The following TNRC18 variants were observed in gnomAD, a reference collection of about 807,000 sequenced individuals.
The protein encoded by TNRC18 is trinucleotide repeat containing 18, also known as trinucleotide repeat-containing gene 18 protein.
TNRC18 carries 69 observed loss-of-function variants against 226.7 expected under a neutral mutation model. That is an observed-to-expected ratio of 0.30 (90% CI 0.25 to 0.37). The LOEUF (loss-of-function observed/expected upper bound fraction) is 0.37, where lower values mean the gene tolerates loss of function less well. TNRC18 is among the 10% of genes least tolerant of loss of function. TNRC18 has a pLI of 1.00. For missense variants in TNRC18, 4,754 were observed against 4,256.6 expected (o/e 1.12, Z -3.25); for synonymous variants, 2,449 against 1,927.6 (o/e 1.27, Z -7.09).
At chr7:5,325,432 T>G in intron 19 of TNRC18, 184 bp from the exon 20 acceptor site, 3 of 635,294 alleles carry the variant, frequency 4.7e-6, no homozygotes, top group Non-Finnish European at 7.7e-6. Flanking sequence ...TTTTTTGTTT[T>G]TTTTTTTTTG....
chr7:5,373,996 G>A, intron 10 of TNRC18, 59 bp downstream of exon 10: 1 of 1,318,036 alleles, frequency 7.6e-7, no homozygotes, highest in South Asian at 1.6e-5. Context: ...AAAGATGGAT[G>A]AGCAGTTTTA....
chr7:5,358,858 T>C (rs1183472471), intron 15 of TNRC18, among the ~76,000 whole-genome samples: 3 of 152,040 alleles, frequency 2.0e-5, no homozygotes, highest in Non-Finnish European at 2.9e-5. Flanking sequence ...CACTGGACTT[T>C]ATGGGGAGGG....
Position 5,356,973 on chromosome 7 carries a change from C to T in TNRC18, c.5137G>A (p.Gly1713Ser). The change falls in exon 16 of 30, where the codon GGC becomes AGC. Residue 1713 changes from glycine (G) to serine (S), a missense_variant. Transcript: ENST00000430969. ...RKMEVGFKAR[G>S]QPKSAHSPFA... ...GGGGAATGGGCCGACTTGGGCTGGC[C>T]TCTGGCCTTGAACCCCACCTCCATC... is the stretch of plus-strand genomic sequence containing the variant. The T allele has an allele frequency of 1.9e-6, 3 of 1,552,120 alleles. No homozygotes were observed. The highest frequency in any genetic ancestry group is 2.6e-6 in the Non-Finnish European group (3 of 1,147,070).
At chr7:5,352,581 A>G (rs73673119) in intron 16 of TNRC18, among the ~76,000 whole-genome samples, 21,827 of 152,314 alleles carry the variant, frequency 0.14, 1,682 homozygotes, top group Admixed American at 0.17. Flanking sequence ...GCAGCACGAA[A>G]CAGGCCACAG....
intron 16 of TNRC18, among the ~76,000 whole-genome samples, chr7:5,356,462 C>A (rs1349903373): frequency 6.6e-6 from 1 of 152,236 alleles, no homozygotes; most frequent in Non-Finnish European, 1.5e-5. Context: ...AAGCCGTGGT[C>A]CGCAACAGAC....
At chr7:5,386,026 C>T (rs1014157692) in intron 5 of TNRC18, among the ~76,000 whole-genome samples, 4 of 146,334 alleles carry the variant, frequency 2.7e-5, no homozygotes, top group African/African-American at 1.0e-4. Flanking sequence ...GTGGCTCATG[C>T]CTGTAATCCC....
intron 2 of TNRC18, chr7:5,420,210 G>A (rs1046686606): frequency 2.3e-5 from 8 of 350,184 alleles, no homozygotes; most frequent in Admixed American, 7.6e-5. Flanking sequence ...TGGGCAGCCC[G>A]TCTCGGGAAA....
intron 16 of TNRC18, among the ~76,000 whole-genome samples, chr7:5,355,888 C>T (rs915589991): frequency 1.3e-5 from 2 of 151,604 alleles, no homozygotes; most frequent in Non-Finnish European, 2.9e-5. Context: ...AAAAAACGCA[C>T]GGCACAGTAG....
chr7:5,308,888 T>C lies in TNRC18; in HGVS notation c.8687A>G (p.Lys2896Arg), dbSNP rs1485906011. 3.0e-6 allele frequency: 4 copies of C among 1,325,510 alleles called. No individual in the cohort carries two copies. In the South Asian group the frequency reaches 4.7e-5, roughly 16 times the overall value. The allele number at this position is 1,325,510 out of a possible 1,614,324, so 82.1% of individuals were successfully genotyped here. Residue 2896 changes from lysine to arginine, a missense_variant, in exon 29 of 30, where the codon AAG becomes AGG. Transcript: ENST00000430969. The part of the protein sequence containing the change: ...PAALRVSSQR[K>R]DFMERALYQS... Reference sequence around the variant, plus strand: ...ACCACCACCTACCTCCATGAAGTCCTTCCTCTGGCTGGAGACCCGCAGGGC... The same window carrying C: ...ACCACCACCTACCTCCATGAAGTCCCTCCTCTGGCTGGAGACCCGCAGGGC...
Position 5,393,782 on chromosome 7 carries a change from G to A in TNRC18, c.343+658C>T, listed in dbSNP as rs374744641. ...AAATCCAGAATCTGCTCACGACCCC[G>A]GGGAAGCCAGGCCTGCAGAGCCCCT... On this transcript the variant is annotated intron_variant, in intron 3 of 29. Transcript: ENST00000430969. 1.1e-3 allele frequency among the ~76,000 whole-genome samples: 167 copies of A among 152,260 alleles called. 1 individual carries two copies. Among genetic ancestry groups the A allele is most frequent in the East Asian group, 9.5e-3 (49 of 5,178 alleles).
At chr7:5,321,243 C>G (rs1788323705) in intron 21 of TNRC18, 53 bp from the exon 22 acceptor site, 2 of 1,296,150 alleles carry the variant, frequency 1.5e-6, no homozygotes, top group Non-Finnish European at 2.1e-6. Context: ...TCTGCGACAC[C>G]TCTCCCTCCT....
Position 5,376,082 on chromosome 7 carries a change from C to T in TNRC18, c.2751G>A (p.Gln917=). ...GTTCCAAGGCCTGGGCCGCCTGCTG[C>T]TGCAGGTACAGGAACTCCTGCTGCC... is the stretch of plus-strand genomic sequence containing the variant. ...FLRQQEFLYL[Q]QQAAQALELQ... The change falls in exon 9 of 30, where the codon CAG becomes CAA. Residue 917 remains glutamine (Q), a synonymous_variant. Coordinates refer to ENST00000430969, the MANE Select transcript of TNRC18 (RefSeq NM_001080495.3). The T allele has an allele frequency of 2.5e-6, 4 of 1,596,328 alleles. No homozygotes were observed. In the South Asian group the frequency reaches 3.4e-5, roughly 14 times the overall value.
rs1794644614 is a variant in TNRC18 at position 5,376,087 on chromosome 7, G to A, written c.2746C>T (p.Leu916=). 5 of 1,595,778 alleles carry A rather than the reference G, an allele frequency of 3.1e-6. No homozygotes were observed. The South Asian group carries it at 3.4e-5, about 11-fold the overall frequency. The change falls in exon 9 of 30, where the codon CTG becomes TTG. Residue 916 remains leucine, a synonymous_variant. Transcript: ENST00000430969. ...HFLRQQEFLY[L]QQQAAQALEL... Reference sequence around the variant, plus strand: ...AAGGCCTGGGCCGCCTGCTGCTGCAGGTACAGGAACTCCTGCTGCCGCAGG... The same window carrying A: ...AAGGCCTGGGCCGCCTGCTGCTGCAAGTACAGGAACTCCTGCTGCCGCAGG...
chr7:5,390,332 C>G (rs1458913549), intron 4 of TNRC18, 153 bp downstream of exon 4: 1 of 841,978 alleles, frequency 1.2e-6, no homozygotes, highest in East Asian at 2.7e-5. Flanking sequence ...GCACTCCAGC[C>G]TGGGCAACAT....
In TNRC18 at chr7:5,389,461, G is replaced by GTTTTGTT. The variant is rs1554297478; in HGVS notation, c.488-126_488-125insAACAAAA. On this transcript the variant is annotated intron_variant, in intron 4 of 29. Coordinates refer to ENST00000430969, the MANE Select transcript of TNRC18 (RefSeq NM_001080495.3). The stretch of plus-strand genomic sequence containing the variant: ...TGCCTCCCCCAGTGTTTTGGTTTTG[G>GTTTTGTT]TTTTTTTTTTCAGAAAGAGTCTCGC... 5 of 565,558 alleles carry GTTTTGTT rather than the reference G, an allele frequency of 8.8e-6. No homozygotes were observed. In the African/African-American group the frequency reaches 1.4e-4, roughly 15 times the overall value. 35.0% of individuals were successfully genotyped at this position (565,558 alleles called of 1,614,324 possible). A position where few individuals can be genotyped will look rare whatever the true frequency, so the allele number is the denominator to read the frequency against.
intron 2 of TNRC18, among the ~76,000 whole-genome samples, chr7:5,412,796 G>A (rs1781929386): frequency 6.6e-6 from 1 of 152,184 alleles, no homozygotes; most frequent in Non-Finnish European, 1.5e-5. Flanking sequence ...ATTACCAGGA[G>A]CTTCCAGGGA....
Position 5,388,799 on chromosome 7 carries a change from G to C in TNRC18, c.1025C>G (p.Pro342Arg), listed in dbSNP as rs901563625. ...CGCGGGGGGTGCAGGAGGCCCCTTG[G>C]GGGGCGCGGGCGGCGGGGGCAGCGG... ...PSPLPPPPAP[P>R]KGPPAPPAAT... The change falls in exon 5 of 30, where the codon CCC becomes CGC. Residue 342 changes from proline to arginine, a missense_variant. Transcript: ENST00000430969. The C allele has an allele frequency of 3.3e-4, 400 of 1,200,228 alleles. No individual in the cohort carries two copies. Among genetic ancestry groups the C allele is most frequent in the Non-Finnish European group, 4.0e-4 (388 of 966,684 alleles). 74.3% of individuals were successfully genotyped at this position (1,200,228 alleles called of 1,614,324 possible).
At chr7:5,404,483 A>G (rs998683273) in intron 2 of TNRC18, among the ~76,000 whole-genome samples, 14 of 152,160 alleles carry the variant, frequency 9.2e-5, no homozygotes, top group African/African-American at 2.9e-4. Context: ...CAGTGATGTC[A>G]TTTTCATTCC....
Position 5,377,354 on chromosome 7 carries a change from C to G in TNRC18, c.2461+17G>C. The G allele has an allele frequency of 6.5e-7, 1 of 1,526,984 alleles. No homozygotes were observed. Among genetic ancestry groups the G allele is most frequent in the Non-Finnish European group, 8.8e-7 (1 of 1,132,476 alleles). The allele number at this position is 1,526,984 out of a possible 1,614,324, so 94.6% of individuals were successfully genotyped here. A position where few individuals can be genotyped will look rare whatever the true frequency, so the allele number is the denominator to read the frequency against. On this transcript the variant is annotated intron_variant, in intron 7 of 29. Transcript: ENST00000430969. This position sits in a 1 kb window ranked among gnomAD's most constrained non-coding sequence, Gnocchi z 5.8. ...CCTCCCTCAGAGAAGGGGAGAGACC[C>G]TGTGCCCCACACTCACCGTAGGGGT... is the stretch of plus-strand genomic sequence containing the variant.
Sources: gnomAD v4.1 joint callset for allele counts (sites outside exome capture counted in the v4.1 genomes callset) on GRCh38, gnomAD v4.1.1 for gene constraint, Gnocchi (gnomAD v3.1) non-coding constraint, MANE v1.5 for transcripts, NCBI Gene and HGNC (gene_info 2026-07-23, HGNC 2026-07-21) for gene names.